The following NDC80 variants were observed in gnomAD, a reference collection of about 807,000 sequenced individuals.
NDC80 encodes the protein kinetochore protein NDC80 homolog.
In NDC80, 69 loss-of-function variants were observed where a neutral mutation model predicts 89.3. That is an observed-to-expected ratio of 0.77 (90% CI 0.64 to 0.94). The LOEUF is 0.94. Among genes scored for constraint, NDC80 ranks in the 40% least tolerant of loss-of-function variants. NDC80 has a pLI of 0.00. For missense variants in NDC80, 593 were observed against 739.6 expected, an observed-to-expected ratio of 0.80 and a Z score of 2.30; for synonymous variants, 243 against 255.6, an observed-to-expected ratio of 0.95 and a Z score of 0.47.
intron 13 of NDC80, among the ~76,000 whole-genome samples, chr18:2,604,964 A>G (rs2072702486): frequency 6.6e-6 from 1 of 152,240 alleles, no homozygotes; most frequent in African/African-American, 2.4e-5. Context: ...AATATCCTAT[A>G]CAGTGAATAG....
At chr18:2,575,272 A>T (rs1045357722) in intron 3 of NDC80, among the ~76,000 whole-genome samples, 1 of 152,234 alleles carries the variant, frequency 6.6e-6, no homozygotes, top group East Asian at 1.9e-4. Flanking sequence ...TTTCATTGTT[A>T]CAAGTAAATA....
chr18:2,602,923 G>A (rs890539042), intron 13 of NDC80, among the ~76,000 whole-genome samples: 6 of 152,162 alleles, frequency 3.9e-5, no homozygotes, highest in African/African-American at 1.4e-4. Context: ...AAATGTTAAG[G>A]AGGTAGAACC....
rs1568016402 is a variant in NDC80 at position 2,614,621 on chromosome 18, G to GAAAGA, written c.1792-1813_1792-1809dup. On this transcript the variant is annotated intron_variant, in intron 16 of 16. Transcript: ENST00000261597. ...AGAAAGAAAGAAAGAAAGAAAGAAAGAAAGAAAGAAAGAAAGAAAGAAAGA... is the reference window on the plus strand; with the variant it reads ...AGAAAGAAAGAAAGAAAGAAAGAAAGAAAGAAAAGAAAGAAAGAAAGAAAGAAAGA... 9.2e-4 allele frequency among the ~76,000 whole-genome samples: 7 copies of GAAAGA among 7,626 alleles called. 3 individuals are homozygous for GAAAGA. The highest frequency in any genetic ancestry group is 1.2e-3 in the Non-Finnish European group (5 of 4,086). 5.0% of individuals were successfully genotyped at this position (7,626 alleles called of 152,430 possible).
rs71365186 is a variant in NDC80, at chr18:2,580,731, A to ATTTTTTTTTTTTTTTT, written c.579+1716_579+1731dup. Among the ~76,000 whole-genome samples the ATTTTTTTTTTTTTTTT allele has an allele frequency of 2.5e-3, 140 of 55,452 alleles. 44 individuals carry two copies. Among genetic ancestry groups the ATTTTTTTTTTTTTTTT allele is most frequent in the East Asian group, 0.01 (11 of 1,090 alleles). 36.4% of individuals were successfully genotyped at this position (55,452 alleles called of 152,430 possible). On this transcript the variant is annotated intron_variant, in intron 6 of 16. Coordinates refer to ENST00000261597, the MANE Select transcript of NDC80 (RefSeq NM_006101.3). ...ACTACTTTTTTGGTCTCACCATCAG[A>ATTTTTTTTTTTTTTTT]TTTTTTTTTTTTTTTTTTTTTTTTT...
chr18:2,615,489 A>C lies in NDC80; in HGVS notation c.1792-948A>C, dbSNP rs142254531. The stretch of plus-strand genomic sequence containing the variant: ...TCCTTAAATTCCTTCTCTGACTCTG[A>C]CACTGGTGATTTCCTCTTCTAAGGA... On this transcript the variant is annotated intron_variant, in intron 16 of 16. Transcript: ENST00000261597. Among the ~76,000 whole-genome samples the C allele has an allele frequency of 8.6e-3, 1,309 of 152,244 alleles. 21 individuals carry two copies. Among genetic ancestry groups the C allele is most frequent in the African/African-American group, 0.03 (1,240 of 41,556 alleles).
intron 9 of NDC80, 86 bp downstream of exon 9, chr18:2,589,396 T>G (rs979025167): frequency 4.5e-6 from 4 of 898,506 alleles, no homozygotes; most frequent in Non-Finnish European, 7.0e-6. Context: ...ATCAAAATTT[T>G]AAAAAATAGA....
At chr18:2,582,628 A>G (rs546121943) in intron 6 of NDC80, 1 of 152,322 alleles carries the variant, frequency 6.6e-6, no homozygotes, top group South Asian at 2.1e-4. Context: ...AGTAGAAGAT[A>G]ATGTTTTGCA....
chr18:2,595,685 A>G (rs939093292), intron 11 of NDC80, 64 bp downstream of exon 11: 40 of 1,412,610 alleles, frequency 2.8e-5, no homozygotes, highest in Non-Finnish European at 3.7e-5. Flanking sequence ...GTCTGTCCCA[A>G]TTAAGAAGAA....
rs561072419 is a variant in NDC80, at chr18:2,581,202, C to T, written c.579+2173C>T. ...ACATTTAGGAAGGCCTTTTTTCCTC[C>T]CCAGTGTTTTTTAAAAACAATTTTA... On this transcript the variant is annotated intron_variant, in intron 6 of 16. Transcript: ENST00000261597. 4.9e-4 allele frequency among the ~76,000 whole-genome samples: 75 copies of T among 152,108 alleles called. 1 individual carries two copies. The highest frequency in any genetic ancestry group is 1.7e-3 in the African/African-American group (69 of 41,514).
chr18:2,588,240 C>A (rs890129869), intron 8 of NDC80, among the ~76,000 whole-genome samples: 2 of 152,088 alleles, frequency 1.3e-5, no homozygotes, highest in African/African-American at 4.8e-5. Flanking sequence ...CTACCAGAAG[C>A]ATAGACAATA....
chr18:2,605,659 A>C (rs2072707652), intron 13 of NDC80, among the ~76,000 whole-genome samples: 1 of 151,734 alleles, frequency 6.6e-6, no homozygotes, highest in East Asian at 1.9e-4. Flanking sequence ...AAATAATAAT[A>C]GCTTCACTAA....
chr18:2,577,746 A>G lies in NDC80; in HGVS notation c.180A>G (p.Arg60=), dbSNP rs149357717. ...SERKVSLFGK[R]TSGHGSRNSQ... ...TGGCTGTTTAAAAATATATTTCCAG[A>G]ACTAGTGGACATGGATCCCGGAATA... The change falls in exon 4 of 17, where the codon AGA becomes AGG. Residue 60 remains arginine (R), a splice_region_variant and synonymous_variant. Coordinates refer to ENST00000261597, the MANE Select transcript of NDC80 (RefSeq NM_006101.3). 6.3e-5 allele frequency: 101 copies of G among 1,613,560 alleles called. No individual in the cohort carries two copies. The African/African-American group carries it at 1.3e-3, about 20-fold the overall frequency.
chr18:2,613,639 C>T (rs1056371512), intron 16 of NDC80, among the ~76,000 whole-genome samples: 6 of 152,100 alleles, frequency 3.9e-5, no homozygotes, highest in African/African-American at 7.2e-5. Flanking sequence ...TTAACTTTTA[C>T]GAGAATTATA....
In NDC80 at chr18:2,575,141, A is replaced by G. The variant is rs190954004; in HGVS notation, c.179+75A>G. The G allele has an allele frequency of 3.3e-4, 320 of 965,462 alleles. No individual in the cohort carries two copies. In the African/African-American group the frequency reaches 4.8e-3, roughly 15 times the overall value. 59.8% of individuals were successfully genotyped at this position (965,462 alleles called of 1,614,324 possible). ...GTTGTTGCCCTCAGAGAACAAATACATTAGATGACATGGTTCCTTTCGAGA... is the reference window on the plus strand; with the variant it reads ...GTTGTTGCCCTCAGAGAACAAATACGTTAGATGACATGGTTCCTTTCGAGA... On this transcript the variant is annotated intron_variant, in intron 3 of 16. Coordinates refer to ENST00000261597, the MANE Select transcript of NDC80 (RefSeq NM_006101.3).
intron 13 of NDC80, among the ~76,000 whole-genome samples, chr18:2,603,351 T>TTATATA (rs1179070812): frequency 2.2e-4 from 18 of 80,940 alleles, no homozygotes; most frequent in African/African-American, 8.5e-4. Context: ...GAGAATATGT[T>TTATATA]TATACATATA....
chr18:2,605,684 AT>A (rs144358182), intron 13 of NDC80, among the ~76,000 whole-genome samples: 9,524 of 151,348 alleles, frequency 0.063, 771 homozygotes, highest in African/African-American at 0.18. Flanking sequence ...GAACCCCTAA[AT>A]TTTTTTTTAA....
intron 10 of NDC80, 80 bp from the exon 11 acceptor site, chr18:2,595,336 C>T (rs2072649161): frequency 1.2e-6 from 1 of 823,328 alleles, no homozygotes; most frequent in African/African-American, 1.7e-5. Flanking sequence ...ATTTAGATAT[C>T]TTAGCTCTAT....
chr18:2,585,984 C>T (rs2072601220), intron 7 of NDC80, among the ~76,000 whole-genome samples: 1 of 152,084 alleles, frequency 6.6e-6, no homozygotes, highest in African/African-American at 2.4e-5. Context: ...GACATATTGC[C>T]CCTTAGCCCA....
rs768435234 is a variant in NDC80, at chr18:2,614,653, G to GAAATAAATAAAT, written c.1792-1776_1792-1775insAAATAAATAAAT. ...AGAAAGAAAGAAAGAAAGAAAGAAAGAAATAAATTTGGCAATCCGAAAAAC... is the reference window on the plus strand; with the variant it reads ...AGAAAGAAAGAAAGAAAGAAAGAAAGAAATAAATAAATAAATAAATTTGGCAATCCGAAAAAC... On this transcript the variant is annotated intron_variant, in intron 16 of 16. Coordinates refer to ENST00000261597, the MANE Select transcript of NDC80 (RefSeq NM_006101.3). Among the ~76,000 whole-genome samples the GAAATAAATAAAT allele has an allele frequency of 2.4e-5, 2 of 82,190 alleles. 1 individual carries two copies. Among genetic ancestry groups the GAAATAAATAAAT allele is most frequent in the Non-Finnish European group, 5.5e-5 (2 of 36,238 alleles). 53.9% of individuals were successfully genotyped at this position (82,190 alleles called of 152,430 possible).
Sources: allele counts gnomAD v4.1 joint callset (sites outside exome capture counted in the v4.1 genomes callset), GRCh38; gene constraint gnomAD v4.1.1; transcripts MANE v1.5; gene names NCBI Gene and HGNC (gene_info 2026-07-23, HGNC 2026-07-21).